TANC2: variants seen among roughly 807,000 people sequenced by gnomAD.
TANC2 encodes tetratricopeptide repeat, ankyrin repeat and coiled-coil containing 2.
TANC2 carries 26 observed loss-of-function variants against 210.5 expected under a neutral mutation model. The ratio of observed to expected loss-of-function variants is 0.12; its 90% confidence interval spans 0.09 to 0.17. The LOEUF is 0.17. Among genes scored for constraint, TANC2 ranks in the 10% least tolerant of loss-of-function variants. The pLI, the probability that TANC2 is intolerant of heterozygous loss-of-function variation, is 1.00. For missense variants in TANC2, 2,129 were observed against 2,608.9 expected, an observed-to-expected ratio of 0.82 and a Z score of 4.01; for synonymous variants, 931 against 967.1, an observed-to-expected ratio of 0.96 and a Z score of 0.69.
intron 2 of TANC2, among the ~76,000 whole-genome samples, chr17:63,036,086 A>G (rs1392151264): frequency 6.6e-6 from 1 of 151,954 alleles, no homozygotes; most frequent in Non-Finnish European, 1.5e-5. Flanking sequence ...TGCTCTGTGT[A>G]CAAGTCTTCT....
chr17:63,048,822 G>C (rs1340654242), intron 2 of TANC2, among the ~76,000 whole-genome samples: 1 of 152,078 alleles, frequency 6.6e-6, no homozygotes, highest in Non-Finnish European at 1.5e-5. Context: ...GGAGGAGGGA[G>C]AGGATCAGAA....
chr17:63,049,910 G>A (rs1470656322), intron 2 of TANC2, among the ~76,000 whole-genome samples: 1 of 152,110 alleles, frequency 6.6e-6, no homozygotes, highest in African/African-American at 2.4e-5. Flanking sequence ...GAGAGAAAAA[G>A]AGGACTTAAG....
chr17:63,019,511 C>T (rs1297987028), intron 2 of TANC2, among the ~76,000 whole-genome samples: 2 of 151,996 alleles, frequency 1.3e-5, no homozygotes, highest in African/African-American at 2.4e-5. Flanking sequence ...AGATACTGTG[C>T]CTGGCTTTAT....
chr17:63,385,330 A>G (rs975615468), intron 15 of TANC2, among the ~76,000 whole-genome samples: 1 of 152,174 alleles, frequency 6.6e-6, no homozygotes, highest in African/African-American at 2.4e-5. Context: ...TGAGGCCCAC[A>G]CATATTATAA....
chr17:63,267,772 A>G (rs778567291), exon 9 of TANC2: 1 of 1,612,958 alleles, frequency 6.2e-7, no homozygotes, highest in South Asian at 1.1e-5. Flanking sequence ...CACTTGGAAG[A>G]CCTTGCTTAC....
chr17:63,184,477 A>C (rs2040904702), intron 5 of TANC2, among the ~76,000 whole-genome samples: 1 of 152,156 alleles, frequency 6.6e-6, no homozygotes, highest in Non-Finnish European at 1.5e-5. Flanking sequence ...ATGAAAATTT[A>C]TGAAGTGAAC....
chr17:63,365,928 G>A (rs75848909), intron 14 of TANC2, among the ~76,000 whole-genome samples: 1,888 of 152,056 alleles, frequency 0.012, 41 homozygotes, highest in African/African-American at 0.042. Context: ...TTAATTGTAG[G>A]TGAATACTCG....
intron 1 of TANC2, among the ~76,000 whole-genome samples, chr17:63,004,171 C>T (rs560380633): frequency 5.9e-5 from 9 of 152,182 alleles, no homozygotes; most frequent in East Asian, 3.9e-4. Flanking sequence ...TTTCAGGTAG[C>T]GAAATGAAAA....
At chr17:63,162,332 A>G (rs947226708) in intron 5 of TANC2, among the ~76,000 whole-genome samples, 2 of 152,100 alleles carry the variant, frequency 1.3e-5, no homozygotes, top group African/African-American at 4.8e-5. Context: ...TGAGGGTTTA[A>G]AAGTGAGTGG....
intron 14 of TANC2, among the ~76,000 whole-genome samples, chr17:63,378,970 T>C (rs897151149): frequency 2.0e-5 from 3 of 152,086 alleles, no homozygotes; most frequent in African/African-American, 7.2e-5. Flanking sequence ...GGCCTAAGGC[T>C]GAGAAGAAAA....
intron 11 of TANC2, among the ~76,000 whole-genome samples, chr17:63,326,033 TA>T: frequency 6.6e-6 from 1 of 152,334 alleles, no homozygotes; most frequent in East Asian, 1.9e-4. Flanking sequence ...ATAGTAGCAA[TA>T]TACAGGATAC....
exon 28 of TANC2, chr17:63,427,027 C>T (rs1168008612): frequency 6.6e-6 from 1 of 152,230 alleles, no homozygotes; most frequent in Non-Finnish European, 1.5e-5. Flanking sequence ...ACTTCATTCA[C>T]AGGTGATTTT....
At chr17:63,204,751 C>A (rs756199599) in intron 7 of TANC2, among the ~76,000 whole-genome samples, 1 of 152,140 alleles carries the variant, frequency 6.6e-6, no homozygotes, top group African/African-American at 2.4e-5. Context: ...GATTTCAAAA[C>A]TTATTACAAA....
intron 7 of TANC2, among the ~76,000 whole-genome samples, chr17:63,231,441 C>T (rs1234874530): frequency 3.3e-5 from 5 of 152,102 alleles, no homozygotes; most frequent in African/African-American, 1.2e-4. Flanking sequence ...GGAGCTCTTG[C>T]AAGGCAGGCC....
intron 1 of TANC2, among the ~76,000 whole-genome samples, chr17:62,989,937 A>T (rs964968096): frequency 4.6e-5 from 7 of 151,186 alleles, no homozygotes; most frequent in African/African-American, 1.7e-4. Context: ...CACCTGGCTA[A>T]TTTTTTTTGT....
Position 63,412,718 on chromosome 17 carries a change from C to T in TANC2, c.3928+9C>T. The T allele has an allele frequency of 6.5e-7, 1 of 1,535,194 alleles. No homozygotes were observed. The highest frequency in any genetic ancestry group is 8.7e-7 in the Non-Finnish European group (1 of 1,146,718). On this transcript the variant is annotated intron_variant, in intron 24 of 27. Coordinates refer to ENST00000689528, the Ensembl canonical transcript of TANC2. The surrounding 1 kb of genome is among the most constrained non-coding windows in gnomAD (Gnocchi z 4.2). ...ACCGAGTCGCCCACGAGGTATATTTCACCGCTGTCAGCATCAGGCGTGGTC... is the reference window on the plus strand; with the variant it reads ...ACCGAGTCGCCCACGAGGTATATTTTACCGCTGTCAGCATCAGGCGTGGTC...
intron 19 of TANC2, among the ~76,000 whole-genome samples, chr17:63,400,290 A>G (rs1249836718): frequency 6.6e-6 from 1 of 152,248 alleles, no homozygotes; most frequent in Admixed American, 6.5e-5. Flanking sequence ...AGCGATGAAT[A>G]TCAAACACAT....
chr17:63,237,077 T>G (rs1057155154), intron 7 of TANC2, among the ~76,000 whole-genome samples: 1 of 152,154 alleles, frequency 6.6e-6, no homozygotes, highest in Non-Finnish European at 1.5e-5. Context: ...GTATTTTCCT[T>G]AATGGTTGTT....
At position 63,421,761 on chromosome 17, in the gene TANC2, G is replaced by T; in HGVS notation, c.6031G>T (p.Ala2011Ser). Residue 2011 changes from alanine to serine, a missense_variant, in exon 28 of 28, where the codon GCT becomes TCT. Physicochemically the swap from Ala to Ser is moderately conservative, Grantham distance 99 (BLOSUM62 1). Coordinates refer to ENST00000689528, the Ensembl canonical transcript of TANC2. This position sits in a 1 kb window ranked among gnomAD's most constrained non-coding sequence, Gnocchi z 6.9. ...TTATTACAGCCCCCATGGGATGCTG[G>T]CTAACGGGTCTCGTGGAGACCTCTT... 6.2e-7 allele frequency: 1 copy of T among 1,614,040 alleles called. No individual in the cohort carries two copies. Among genetic ancestry groups the T allele is most frequent in the Non-Finnish European group, 8.5e-7 (1 of 1,179,890 alleles).
Sources: allele counts gnomAD v4.1 joint callset (sites outside exome capture counted in the v4.1 genomes callset), GRCh38; gene constraint gnomAD v4.1.1; non-coding constraint Gnocchi (gnomAD v3.1); transcripts MANE v1.5; gene names NCBI Gene and HGNC (gene_info 2026-07-23, HGNC 2026-07-21).